Variants in NR3C2 observed in about 807,000 individuals in gnomAD.
The protein encoded by NR3C2 is mineralocorticoid receptor.
NR3C2 carries 15 observed loss-of-function variants against 86.4 expected under a neutral mutation model. That is an observed-to-expected ratio of 0.17 (90% CI 0.12 to 0.27). NR3C2 has a LOEUF of 0.27. Among genes scored for constraint, NR3C2 ranks in the 10% least tolerant of loss-of-function variants. The pLI is 1.00. For synonymous variants in NR3C2, 458 were observed against 450.5 expected (o/e 1.02, Z -0.21); for missense variants, 960 against 1,195.6 (o/e 0.80, Z 2.91).
intron 2 of NR3C2, among the ~76,000 whole-genome samples, chr4:148,364,485 G>A (rs1579209196): frequency 6.6e-6 from 1 of 152,184 alleles, no homozygotes; most frequent in Non-Finnish European, 1.5e-5. Context: ...TCCCTATAAA[G>A]AGTAATGATA....
chr4:148,140,346 G>A (rs570953681), intron 6 of NR3C2, among the ~76,000 whole-genome samples: 25 of 152,250 alleles, frequency 1.6e-4, no homozygotes, highest in African/African-American at 6.0e-4. Context: ...TCCAGCCTAG[G>A]TGACAGAGTG....
At chr4:148,184,273 A>AC (rs1471797397) in intron 4 of NR3C2, among the ~76,000 whole-genome samples, 3 of 146,136 alleles carry the variant, frequency 2.1e-5, no homozygotes, top group African/African-American at 5.1e-5. Context: ...ACATGGTGAA[A>AC]CCCCAACTCT....
chr4:148,411,061 C>T (rs937288137), intron 2 of NR3C2, among the ~76,000 whole-genome samples: 2 of 152,198 alleles, frequency 1.3e-5, no homozygotes, highest in African/African-American at 4.8e-5. Flanking sequence ...TCCAACTACA[C>T]ATTTTTTAGT....
chr4:148,097,750 TG>T (rs1219685576), intron 8 of NR3C2, among the ~76,000 whole-genome samples: 3,300 of 113,780 alleles, frequency 0.029, 267 homozygotes, highest in African/African-American at 0.16. Flanking sequence ...CGTTTTTTTT[TG>T]TTTTTTTTTT....
intron 2 of NR3C2, among the ~76,000 whole-genome samples, chr4:148,278,897 T>C (rs944681593): frequency 6.7e-6 from 1 of 148,286 alleles, no homozygotes; most frequent in African/African-American, 2.5e-5. Flanking sequence ...GCATGGTGGC[T>C]CATACCTGTA....
At chr4:148,412,438 T>C (rs535684446) in intron 2 of NR3C2, among the ~76,000 whole-genome samples, 1 of 152,348 alleles carries the variant, frequency 6.6e-6, no homozygotes, top group East Asian at 1.9e-4. Flanking sequence ...GCTGGAATTC[T>C]AACTAGATTT....
At chr4:148,120,710 C>A (rs989858114) in intron 6 of NR3C2, among the ~76,000 whole-genome samples, 1 of 152,182 alleles carries the variant, frequency 6.6e-6, no homozygotes, top group Non-Finnish European at 1.5e-5. Context: ...CTAGATGCTA[C>A]GAACATAGGA....
chr4:148,436,838 CTG>C lies in NR3C2; in HGVS notation c.21_22del (p.His7GlnfsTer4), dbSNP rs764821906. 6.2e-7 allele frequency: 1 copy of C among 1,610,908 alleles called. No homozygotes were observed. Among genetic ancestry groups the C allele is most frequent in the Non-Finnish European group, 8.5e-7 (1 of 1,179,920 alleles). ...TTCCATATCTAGACCTTCAGGGAGA[CTG>C]TGGTAGCCTTTGGTCTCCATCGCTA... is the stretch of plus-strand genomic sequence containing the variant. On this transcript the variant is annotated frameshift_variant, in exon 2 of 9. Transcript: ENST00000358102.
chr4:148,089,066 T>G (rs543889633), intron 8 of NR3C2, among the ~76,000 whole-genome samples: 1 of 152,352 alleles, frequency 6.6e-6, no homozygotes, highest in South Asian at 2.1e-4. Flanking sequence ...TATCTGTAAC[T>G]TACCCTGATG....
Position 148,237,763 on chromosome 4 carries a change from A to G in NR3C2, c.1897+22215T>C, listed in dbSNP as rs761080339. Among the ~76,000 whole-genome samples the G allele has an allele frequency of 8.5e-5, 13 of 152,072 alleles. 1 individual carries two copies. The highest frequency in any genetic ancestry group is 2.9e-5 in the Non-Finnish European group (2 of 67,978). ...GTATGAAGCTAAAATGGTTTATAAT[A>G]GGTGAATAGTAGTGATAGAATTTCC... On this transcript the variant is annotated intron_variant, in intron 3 of 8. Coordinates refer to ENST00000358102, the MANE Select transcript of NR3C2 (RefSeq NM_000901.5).
At chr4:148,310,546 A>G (rs1301625995) in intron 2 of NR3C2, among the ~76,000 whole-genome samples, 1 of 152,194 alleles carries the variant, frequency 6.6e-6, no homozygotes, top group Non-Finnish European at 1.5e-5. Flanking sequence ...ACCAGCCAGC[A>G]TAATTGCTCA....
At chr4:148,360,299 G>T (rs1011365797) in intron 2 of NR3C2, among the ~76,000 whole-genome samples, 1 of 152,042 alleles carries the variant, frequency 6.6e-6, no homozygotes, top group African/African-American at 2.4e-5. Context: ...CATGTTCTTT[G>T]TCCTACATGA....
At chr4:148,088,186 G>C (rs1391939716) in intron 8 of NR3C2, among the ~76,000 whole-genome samples, 1 of 152,196 alleles carries the variant, frequency 6.6e-6, no homozygotes, top group Non-Finnish European at 1.5e-5. Context: ...AGTTAGAATG[G>C]TGATCACTAA....
chr4:148,236,004 C>A (rs531382402), intron 3 of NR3C2, among the ~76,000 whole-genome samples: 1 of 152,224 alleles, frequency 6.6e-6, no homozygotes, highest in Non-Finnish European at 1.5e-5. Context: ...CAGCAGCGGG[C>A]AGATGCAAGA....
chr4:148,143,418 C>T (rs1413474050), intron 6 of NR3C2, among the ~76,000 whole-genome samples: 3 of 152,280 alleles, frequency 2.0e-5, no homozygotes, highest in African/African-American at 7.2e-5. Flanking sequence ...CACAATGCCG[C>T]CTTCACTTTT....
intron 4 of NR3C2, among the ~76,000 whole-genome samples, chr4:148,157,430 C>T (rs1734450803): frequency 6.6e-6 from 1 of 151,890 alleles, no homozygotes; most frequent in Non-Finnish European, 1.5e-5. Context: ...TGATTCTCAT[C>T]GTAGAATAAG....
intron 3 of NR3C2, among the ~76,000 whole-genome samples, chr4:148,201,467 A>T (rs1736716893): frequency 6.6e-6 from 1 of 152,230 alleles, no homozygotes; most frequent in Non-Finnish European, 1.5e-5. Context: ...GATGTGAAGG[A>T]CAATATGCTT....
chr4:148,239,880 C>T (rs1319927284), intron 3 of NR3C2, among the ~76,000 whole-genome samples: 1 of 151,650 alleles, frequency 6.6e-6, no homozygotes, highest in Non-Finnish European at 1.5e-5. Flanking sequence ...ACTTTGGAAG[C>T]TTCAGAGAAC....
chr4:148,330,748 G>GT (rs1371854136), intron 2 of NR3C2, among the ~76,000 whole-genome samples: 1 of 152,170 alleles, frequency 6.6e-6, no homozygotes, highest in African/African-American at 2.4e-5. Flanking sequence ...GTAATCCCCA[G>GT]TGCTGGAGTT....
Sources: allele counts gnomAD v4.1 joint callset (sites outside exome capture counted in the v4.1 genomes callset), GRCh38; gene constraint gnomAD v4.1.1; transcripts MANE v1.5; gene names NCBI Gene and HGNC (gene_info 2026-07-23, HGNC 2026-07-21).